Variants in THSD4 observed in about 807,000 individuals in gnomAD.
The protein encoded by THSD4 is thrombospondin type-1 domain-containing protein 4.
THSD4 carries 69 observed loss-of-function variants against 119.0 expected under a neutral mutation model. The observed-to-expected ratio is 0.58, with a 90% confidence interval of 0.48 to 0.71. The LOEUF (loss-of-function observed/expected upper bound fraction) is 0.71, where lower values mean the gene tolerates loss of function less well. Among genes scored for constraint, THSD4 ranks in the 30% least tolerant of loss-of-function variants. The pLI, the probability that THSD4 is intolerant of heterozygous loss-of-function variation, is 0.00. For missense variants in THSD4, 1,393 were observed against 1,391.1 expected, an observed-to-expected ratio of 1.00 and a Z score of -0.02; for synonymous variants, 524 against 540.4, an observed-to-expected ratio of 0.97 and a Z score of 0.42.
At chr15:71,253,864 C>A (rs1215764617) in intron 5 of THSD4, among the ~76,000 whole-genome samples, 2 of 152,204 alleles carry the variant, frequency 1.3e-5, no homozygotes, top group African/African-American at 2.4e-5. Context: ...TACACACACT[C>A]CACACACATA....
At chr15:71,264,610 A>C (rs1267755089) in intron 6 of THSD4, among the ~76,000 whole-genome samples, 1 of 152,242 alleles carries the variant, frequency 6.6e-6, no homozygotes, top group African/African-American at 2.4e-5. Flanking sequence ...TTAGGGTTGT[A>C]GACCCATACT....
chr15:71,341,211 T>C, intron 6 of THSD4: 2 of 1,573,174 alleles, frequency 1.3e-6, no homozygotes, highest in Non-Finnish European at 8.6e-7. Context: ...GATATCTTTT[T>C]CTTCTGGGCA....
chr15:71,309,075 G>A (rs559677891), intron 6 of THSD4, among the ~76,000 whole-genome samples: 3 of 152,218 alleles, frequency 2.0e-5, no homozygotes, highest in East Asian at 1.9e-4. Context: ...TCAGCCTCCC[G>A]AGTAGCTGTG....
chr15:71,576,752 C>A (rs1314020649), intron 7 of THSD4, among the ~76,000 whole-genome samples: 1 of 152,084 alleles, frequency 6.6e-6, no homozygotes, highest in East Asian at 1.9e-4. Context: ...TTTCTAATTT[C>A]CTTTGAATTT....
At position 71,756,735 on chromosome 15, in the gene THSD4, G is replaced by A. The variant is rs893629198; in HGVS notation, c.2416-1167G>A. On this transcript the variant is annotated intron_variant, in intron 14 of 17. Coordinates refer to ENST00000261862, the MANE Select transcript of THSD4 (RefSeq NM_024817.3). ...TGAAGCTGCAGTGAGCTGAGATCAC[G>A]CCACCTGGGTGATGCAATCCTATCT... is the stretch of plus-strand genomic sequence containing the variant. Among the ~76,000 whole-genome samples the A allele has an allele frequency of 4.0e-4, 61 of 152,272 alleles. 1 individual carries two copies. The highest frequency in any genetic ancestry group is 1.2e-3 in the African/African-American group (50 of 41,558).
chr15:71,637,401 G>GA (rs909385172), intron 7 of THSD4, among the ~76,000 whole-genome samples: 2 of 151,880 alleles, frequency 1.3e-5, no homozygotes, highest in South Asian at 2.1e-4. Flanking sequence ...GCAAAGGAAA[G>GA]AAAAAAAGGG....
At chr15:71,333,940 TGCCTGTTTCTTTTAA>T (rs1416369666) in intron 6 of THSD4, among the ~76,000 whole-genome samples, 9 of 152,254 alleles carry the variant, frequency 5.9e-5, no homozygotes, top group Non-Finnish European at 1.3e-4. Flanking sequence ...ATAACATTTT[TGCCTGTTTCTTTTAA>T]GCCAAATATG....
intron 7 of THSD4, among the ~76,000 whole-genome samples, chr15:71,555,319 A>C (rs1278358410): frequency 2.0e-5 from 3 of 152,240 alleles, no homozygotes; most frequent in Non-Finnish European, 4.4e-5. Context: ...ATTAGGCATT[A>C]TCAGACAGGT....
chr15:71,650,562 A>G (rs1301772863), intron 7 of THSD4, among the ~76,000 whole-genome samples: 1 of 152,176 alleles, frequency 6.6e-6, no homozygotes, highest in Non-Finnish European at 1.5e-5. Context: ...CTCCCTTCTC[A>G]GGCCCAGTCC....
intron 7 of THSD4, among the ~76,000 whole-genome samples, chr15:71,516,417 C>T (rs963000383): frequency 1.3e-5 from 2 of 152,118 alleles, no homozygotes; most frequent in Non-Finnish European, 2.9e-5. Context: ...TCCCTGCTTC[C>T]TTGGCAGATC....
intron 4 of THSD4, among the ~76,000 whole-genome samples, chr15:71,223,302 C>T (rs1349904385): frequency 6.6e-6 from 1 of 152,172 alleles, no homozygotes; most frequent in East Asian, 1.9e-4. Flanking sequence ...AAGCCCTTTT[C>T]AAAGTGAAAG....
intron 1 of THSD4, among the ~76,000 whole-genome samples, chr15:71,109,023 C>CA (rs1191650009): frequency 2.0e-5 from 3 of 151,994 alleles, no homozygotes; most frequent in East Asian, 3.9e-4. Flanking sequence ...AAAAAACAAA[C>CA]AAAAAAACAA....
At chr15:71,150,065 T>C (rs1255478228) in intron 2 of THSD4, among the ~76,000 whole-genome samples, 1 of 152,102 alleles carries the variant, frequency 6.6e-6, no homozygotes, top group Non-Finnish European at 1.5e-5. Flanking sequence ...TTGGTAGGAA[T>C]GTAGCTTCCC....
intron 7 of THSD4, among the ~76,000 whole-genome samples, chr15:71,628,975 C>T (rs375404560): frequency 5.9e-4 from 90 of 152,238 alleles, no homozygotes; most frequent in Middle Eastern, 3.4e-3. Flanking sequence ...TAGACACTTG[C>T]GATGCGAAGA....
At chr15:71,164,981 T>G in intron 3 of THSD4, 3 of 1,596,034 alleles carry the variant, frequency 1.9e-6, no homozygotes, top group Non-Finnish European at 2.6e-6. Context: ...CGCAGCCTTC[T>G]TTTCATAAGG....
intron 7 of THSD4, among the ~76,000 whole-genome samples, chr15:71,475,101 C>A (rs1387952438): frequency 6.6e-6 from 1 of 152,154 alleles, no homozygotes; most frequent in African/African-American, 2.4e-5. Flanking sequence ...GTTTGAGACT[C>A]CCTGCATTAT....
At chr15:71,401,792 CAT>C (rs1178334599) in intron 6 of THSD4, among the ~76,000 whole-genome samples, 1 of 152,134 alleles carries the variant, frequency 6.6e-6, no homozygotes, top group Admixed American at 6.5e-5. Context: ...ACTATAAAGA[CAT>C]ATGCACACAT....
intron 6 of THSD4, among the ~76,000 whole-genome samples, chr15:71,406,772 C>T (rs762575793): frequency 3.3e-5 from 5 of 151,598 alleles, no homozygotes; most frequent in South Asian, 2.1e-4. Context: ...CTCCGCCTCC[C>T]GAGTTCAAGC....
At chr15:71,211,718 GA>G (rs1441113705) in intron 3 of THSD4, among the ~76,000 whole-genome samples, 3 of 152,116 alleles carry the variant, frequency 2.0e-5, no homozygotes, top group Admixed American at 2.0e-4. Flanking sequence ...GTTTCTTATT[GA>G]TTTGTTAGAA....
Sources: gnomAD v4.1 joint callset for allele counts (sites outside exome capture counted in the v4.1 genomes callset) on GRCh38, gnomAD v4.1.1 for gene constraint, MANE v1.5 for transcripts, NCBI Gene and HGNC (gene_info 2026-07-23, HGNC 2026-07-21) for gene names.